Variants in SPARCL1 observed in about 807,000 individuals in gnomAD.
The protein encoded by SPARCL1 is SPARC-like protein 1.
In SPARCL1, 52 loss-of-function variants were observed where a neutral mutation model predicts 67.1. That is an observed-to-expected ratio of 0.78 (90% CI 0.62 to 0.98). SPARCL1 has a LOEUF of 0.98. Ranked by LOEUF, SPARCL1 falls within the 50% of genes least tolerant of loss-of-function variation. The probability of loss-of-function intolerance (pLI) is 0.00; values close to 1 mark genes in which losing one functional copy is unlikely to be tolerated. For synonymous variants in SPARCL1, 226 were observed against 267.8 expected, an observed-to-expected ratio of 0.84 and a Z score of 1.52; for missense variants, 717 against 782.4, an observed-to-expected ratio of 0.92 and a Z score of 1.00.
At chr4:87,521,012 G>T (rs974438522) in intron 1 of SPARCL1, among the ~76,000 whole-genome samples, 11 of 152,124 alleles carry the variant, frequency 7.2e-5, no homozygotes, top group African/African-American at 2.4e-4. Flanking sequence ...CTACACAAAC[G>T]ACCAGAATAT....
chr4:87,517,949 T>C (rs1043923842), intron 1 of SPARCL1, among the ~76,000 whole-genome samples: 15 of 152,230 alleles, frequency 9.9e-5, no homozygotes, highest in Non-Finnish European at 2.1e-4. Context: ...GAACCGCTAA[T>C]GCAAGCATTC....
chr4:87,519,592 CT>C (rs1725722007), intron 1 of SPARCL1, among the ~76,000 whole-genome samples: 3 of 152,082 alleles, frequency 2.0e-5, no homozygotes, highest in African/African-American at 7.2e-5. Flanking sequence ...AACTAAGAAC[CT>C]ATTAGTTGAC....
At chr4:87,527,313 A>T (rs964749098) in intron 1 of SPARCL1, among the ~76,000 whole-genome samples, 1 of 152,088 alleles carries the variant, frequency 6.6e-6, no homozygotes, top group Non-Finnish European at 1.5e-5. Context: ...GGATTTATTT[A>T]TGGGGGTCTC....
At chr4:87,524,746 G>T (rs56302236) in intron 1 of SPARCL1, among the ~76,000 whole-genome samples, 6,962 of 152,206 alleles carry the variant, frequency 0.046, 501 homozygotes, top group East Asian at 0.33. Flanking sequence ...CTCAGTGATT[G>T]GCTTTCTACG....
intron 7 of SPARCL1, among the ~76,000 whole-genome samples, chr4:87,483,732 C>T (rs1392886426): frequency 6.6e-6 from 1 of 152,224 alleles, no homozygotes; most frequent in African/African-American, 2.4e-5. Context: ...TTCTTCACAT[C>T]CTCTCCAGTA....
chr4:87,477,078 G>A (rs1723612495), intron 10 of SPARCL1, among the ~76,000 whole-genome samples: 1 of 152,192 alleles, frequency 6.6e-6, no homozygotes. Flanking sequence ...ATCATTAGCA[G>A]CTTTGTAAAT....
intron 2 of SPARCL1, chr4:87,497,335 AG>A: frequency 2.4e-6 from 1 of 419,974 alleles, no homozygotes; most frequent in Non-Finnish European, 3.2e-6. Context: ...AGCTGCCAGC[AG>A]GGGGCATCAT....
chr4:87,486,748 A>G (rs1241359534), intron 7 of SPARCL1, among the ~76,000 whole-genome samples: 2 of 151,882 alleles, frequency 1.3e-5, no homozygotes, highest in East Asian at 3.9e-4. Flanking sequence ...GTGCTCCTAT[A>G]TTGGGTGCAT....
chr4:87,528,041 A>G (rs1022916898), intron 1 of SPARCL1: 1 of 152,120 alleles, frequency 6.6e-6, no homozygotes, highest in African/African-American at 2.4e-5. Context: ...GGGCCAGAGG[A>G]GAGCTCAGAT....
At chr4:87,492,637 T>C (rs746079444) in intron 4 of SPARCL1, among the ~76,000 whole-genome samples, 4 of 152,178 alleles carry the variant, frequency 2.6e-5, no homozygotes, top group Non-Finnish European at 4.4e-5. Flanking sequence ...CAGAGTTACA[T>C]TGGAAATCTC....
At chr4:87,481,703 T>C (rs1158231394) in intron 8 of SPARCL1, among the ~76,000 whole-genome samples, 1 of 152,254 alleles carries the variant, frequency 6.6e-6, no homozygotes, top group African/African-American at 2.4e-5. Context: ...GACATACTTA[T>C]ACATATATTT....
At chr4:87,482,258 G>A (rs914358245) in intron 8 of SPARCL1, among the ~76,000 whole-genome samples, 166 bp downstream of exon 8, 7 of 152,170 alleles carry the variant, frequency 4.6e-5, no homozygotes, top group Admixed American at 1.3e-4. Flanking sequence ...ACCTTGTGGC[G>A]TGAATGGTGA....
intron 2 of SPARCL1, among the ~76,000 whole-genome samples, chr4:87,495,823 C>T (rs911524434): frequency 3.3e-5 from 5 of 152,142 alleles, no homozygotes; most frequent in Admixed American, 1.3e-4. Context: ...CGCAGCTACT[C>T]GGGAGGCTGA....
intron 1 of SPARCL1, among the ~76,000 whole-genome samples, chr4:87,525,162 C>CA (rs137937525): frequency 0.25 from 34,687 of 138,020 alleles, 4,137 homozygotes; most frequent in South Asian, 0.4. Flanking sequence ...GACTCTGTCT[C>CA]AAAAAAAAAA....
chr4:87,516,849 C>T (rs1397606915), intron 1 of SPARCL1, among the ~76,000 whole-genome samples: 1 of 152,102 alleles, frequency 6.6e-6, no homozygotes, highest in Non-Finnish European at 1.5e-5. Flanking sequence ...CAATAGCCAC[C>T]TTTCACCATC....
chr4:87,520,759 G>A lies in SPARCL1; in HGVS notation c.-12+8286C>T, dbSNP rs201044664. 1.7e-4 allele frequency among the ~76,000 whole-genome samples: 26 copies of A among 152,302 alleles called. No individual in the cohort carries two copies. In the East Asian group the frequency reaches 4.1e-3, roughly 24 times the overall value. ...GTCCCTGGAAAAGCAAGGAAAAGGG[G>A]CCTGAATATCCTTTCTGCTAGCTGG... On this transcript the variant is annotated intron_variant, in intron 1 of 10. Coordinates refer to ENST00000282470, the MANE Select transcript of SPARCL1 (RefSeq NM_004684.6).
chr4:87,493,549 T>G (rs775958703), intron 4 of SPARCL1, 33 bp downstream of exon 4: 39 of 1,557,112 alleles, frequency 2.5e-5, no homozygotes, highest in Non-Finnish European at 3.4e-5. Flanking sequence ...AATGCTGGCT[T>G]TATTGGACAA....
At chr4:87,474,276 G>A (rs1213117210) in intron 10 of SPARCL1, among the ~76,000 whole-genome samples, 3 of 152,154 alleles carry the variant, frequency 2.0e-5, no homozygotes, top group Non-Finnish European at 4.4e-5. Context: ...GCAAATATAA[G>A]ATCACTCCTT....
chr4:87,521,667 A>G (rs546687997), intron 1 of SPARCL1, among the ~76,000 whole-genome samples: 2 of 152,360 alleles, frequency 1.3e-5, no homozygotes, highest in Admixed American at 6.5e-5. Flanking sequence ...GATGATGACA[A>G]CTTGATCTGT....
Sources: gnomAD v4.1 joint callset for allele counts (sites outside exome capture counted in the v4.1 genomes callset) on GRCh38, gnomAD v4.1.1 for gene constraint, MANE v1.5 for transcripts, NCBI Gene and HGNC (gene_info 2026-07-23, HGNC 2026-07-21) for gene names.